Variants in LHFPL4 observed in about 807,000 individuals in gnomAD.
LHFPL4 encodes LHFPL tetraspan subfamily member 4 protein.
In LHFPL4, 6 loss-of-function variants were observed where a neutral mutation model predicts 20.0. The ratio of observed to expected loss-of-function variants is 0.30; its 90% CI spans 0.16 to 0.59. The LOEUF (loss-of-function observed/expected upper bound fraction) is 0.59. Ranked by LOEUF, LHFPL4 falls within the 20% of genes least tolerant of loss-of-function variation. LHFPL4 has a pLI of 0.88. For missense variants in LHFPL4, 215 were observed against 331.2 expected (o/e 0.65, Z 2.72); for synonymous variants, 129 against 143.8 (o/e 0.90, Z 0.74).
chr3:9,502,366 G>T, intron 3 of LHFPL4, 55 bp from the exon 4 acceptor site: 4 of 1,338,828 alleles, frequency 3.0e-6, no homozygotes, highest in South Asian at 1.2e-5. Context: ...GTCAGAGGCT[G>T]CCTGGGCATT....
chr3:9,544,702 C>T (rs2046500839), intron 2 of LHFPL4, among the ~76,000 whole-genome samples: 1 of 152,172 alleles, frequency 6.6e-6, no homozygotes, highest in South Asian at 2.1e-4. Context: ...TACAATCCAG[C>T]TCTGGCCCAC....
intron 2 of LHFPL4, among the ~76,000 whole-genome samples, chr3:9,523,597 C>T (rs905092244): frequency 2.6e-5 from 4 of 151,684 alleles, no homozygotes; most frequent in South Asian, 4.2e-4. Flanking sequence ...CCCAGCCTCC[C>T]GAGTAGCTGG....
chr3:9,549,845 A>T (rs1241819580), intron 2 of LHFPL4, among the ~76,000 whole-genome samples: 1 of 152,180 alleles, frequency 6.6e-6, no homozygotes, highest in African/African-American at 2.4e-5. Flanking sequence ...TTGATGAAAG[A>T]GTTGTCCCAG....
chr3:9,521,296 C>A (rs1559518057), intron 2 of LHFPL4, among the ~76,000 whole-genome samples: 1 of 150,244 alleles, frequency 6.7e-6, no homozygotes, highest in African/African-American at 2.5e-5. Context: ...ACGATCATAG[C>A]TCACTGCAGC....
At chr3:9,513,283 A>G (rs1179472573) in intron 2 of LHFPL4, among the ~76,000 whole-genome samples, 2 of 151,958 alleles carry the variant, frequency 1.3e-5, no homozygotes, top group Non-Finnish European at 2.9e-5. Context: ...TATATAAGAG[A>G]TAATAACCTT....
chr3:9,506,065 A>C lies in LHFPL4; in HGVS notation c.545T>G (p.Ile182Ser). 1 of 1,614,184 alleles carries C rather than the reference A, an allele frequency of 6.2e-7. No individual in the cohort carries two copies. The highest frequency in any genetic ancestry group is 8.5e-7 in the Non-Finnish European group (1 of 1,180,038). ...GAGGATGAGGGCGTTGAGGATGCCG[A>C]TGATGGCCAGGATGTATGCCCAGCG... ...SVRWAYILAIIGILNALILSF... is the reference protein window; with the variant it reads ...SVRWAYILAISGILNALILSF... Residue 182 changes from isoleucine to serine, a missense_variant, in exon 3 of 4, where the codon ATC (isoleucine) becomes AGC (serine). Physicochemically the swap from Ile to Ser is moderately radical, Grantham distance 142 (BLOSUM62 -2). This residue lies in a region of LHFPL4 where 164 missense variants were observed against 286.7 expected (regional missense o/e 0.57). Transcript: ENST00000287585. The surrounding 1 kb of genome is among the most constrained non-coding windows in gnomAD (Gnocchi z 4.5).
Position 9,552,411 on chromosome 3 carries a change from C to T in LHFPL4, c.269G>A (p.Ser90Asn). The T allele has an allele frequency of 6.2e-7, 1 of 1,613,908 alleles. No homozygotes were observed. Among genetic ancestry groups the T allele is most frequent in the Admixed American group, 1.7e-5 (1 of 60,028 alleles). ...GAAGAAGGCGGCCGCCTTGAAGGCG[C>T]TGGACGGGATGGTGCTGAAGTCGGT... ...SFTDFSTIPS[S>N]AFKAAAFFVL... The change falls in exon 2 of 4, where the codon AGC becomes AAC. Residue 90 changes from serine to asparagine, a missense_variant. Ser to Asn is a conservative substitution (Grantham distance 46, BLOSUM62 1). Around this residue, in one of 2 missense-constraint regions of LHFPL4, gnomAD observed 164 missense variants for 286.7 expected, o/e 0.57. Coordinates refer to ENST00000287585, the MANE Select transcript of LHFPL4 (RefSeq NM_198560.3).
chr3:9,506,168 C>G lies in LHFPL4; in HGVS notation c.442G>C (p.Asp148His). 6.2e-7 allele frequency: 1 copy of G among 1,614,168 alleles called. No homozygotes were observed. Among genetic ancestry groups the G allele is most frequent in the Non-Finnish European group, 8.5e-7 (1 of 1,180,040 alleles). ...CGGATGGTCTCGGCATCCCAGCCATCAGGAAAGATCATGCAGCCCAGGACG... is the reference window on the plus strand; with the variant it reads ...CGGATGGTCTCGGCATCCCAGCCATGAGGAAAGATCATGCAGCCCAGGACG... ...CLVLGCMIFP[D>H]GWDAETIRDM... The change falls in exon 3 of 4, where the codon GAT becomes CAT. Residue 148 changes from aspartate to histidine, a missense_variant. Around this residue, in one of 2 missense-constraint regions of LHFPL4, gnomAD observed 164 missense variants for 286.7 expected, o/e 0.57. Transcript: ENST00000287585. This position sits in a 1 kb window ranked among gnomAD's most constrained non-coding sequence, Gnocchi z 4.5.
intron 2 of LHFPL4, among the ~76,000 whole-genome samples, chr3:9,528,981 G>A (rs1320477147): frequency 1.4e-5 from 2 of 147,332 alleles, no homozygotes; most frequent in African/African-American, 5.1e-5. Flanking sequence ...GCAGTAGCAC[G>A]ATCTTGGCTC....
At chr3:9,524,079 G>T (rs1010268914) in intron 2 of LHFPL4, among the ~76,000 whole-genome samples, 3 of 148,390 alleles carry the variant, frequency 2.0e-5, no homozygotes, top group Admixed American at 6.9e-5. Context: ...TTTTCTATAG[G>T]TAAGATGTTT....
chr3:9,547,787 C>T (rs961021642), intron 2 of LHFPL4, among the ~76,000 whole-genome samples: 1 of 146,594 alleles, frequency 6.8e-6, no homozygotes, highest in Non-Finnish European at 1.5e-5. Context: ...GATTTTTGTT[C>T]TTTGTTTTGT....
intron 2 of LHFPL4, among the ~76,000 whole-genome samples, chr3:9,520,628 G>C (rs765511223): frequency 2.6e-5 from 4 of 152,088 alleles, no homozygotes; most frequent in Non-Finnish European, 4.4e-5. Context: ...ACAGGTGTGA[G>C]CCACCCTGCC....
At chr3:9,503,709 T>G (rs537739637) in intron 3 of LHFPL4, among the ~76,000 whole-genome samples, 2 of 152,340 alleles carry the variant, frequency 1.3e-5, no homozygotes, top group East Asian at 3.9e-4. Flanking sequence ...ATATGAAAGT[T>G]TATATGCAAT....
At chr3:9,533,510 C>T (rs1032452743) in intron 2 of LHFPL4, among the ~76,000 whole-genome samples, 1 of 152,162 alleles carries the variant, frequency 6.6e-6, no homozygotes, top group Non-Finnish European at 1.5e-5. Context: ...AGGCCGGGTG[C>T]GGTGGCTCAC....
Position 9,506,009 on chromosome 3 carries a change from G to A in LHFPL4, c.601C>T (p.Gln201Ter). 1 of 1,614,210 alleles carries A rather than the reference G, an allele frequency of 6.2e-7. No individual in the cohort carries two copies. The highest frequency in any genetic ancestry group is 8.5e-7 in the Non-Finnish European group (1 of 1,180,046). Residue 201 changes from glutamine to a stop codon, truncating the protein, a stop_gained, in exon 3 of 4, where the codon CAA becomes TAA. Coordinates refer to ENST00000287585, the MANE Select transcript of LHFPL4 (RefSeq NM_198560.3). LOFTEE classifies it high-confidence loss of function. The surrounding 1 kb of genome is among the most constrained non-coding windows in gnomAD (Gnocchi z 4.5). ...AGCTCCTCCTGCAGCAGGTCTGTTT[G>A]CCGGTTGCCCAGCACGAAGGCGAGG... ...SFLAFVLGNRQTDLLQEELKP... is the reference protein window; with the variant it reads ...SFLAFVLGNR
intron 2 of LHFPL4, among the ~76,000 whole-genome samples, chr3:9,536,518 C>A (rs1035628610): frequency 1.3e-5 from 2 of 152,148 alleles, no homozygotes; most frequent in African/African-American, 4.8e-5. Context: ...CCCCTTCTCT[C>A]CATCTCCACT....
chr3:9,545,685 C>T (rs2046507264), intron 2 of LHFPL4, among the ~76,000 whole-genome samples: 1 of 152,004 alleles, frequency 6.6e-6, no homozygotes, highest in South Asian at 2.1e-4. Flanking sequence ...CATTGCACTC[C>T]AGCCTGGGCA....
At chr3:9,544,618 C>T (rs2125667312) in intron 2 of LHFPL4, among the ~76,000 whole-genome samples, 1 of 152,242 alleles carries the variant, frequency 6.6e-6, no homozygotes, top group African/African-American at 2.4e-5. Flanking sequence ...GAGTGAGACT[C>T]TATCTCAAAA....
intron 2 of LHFPL4, among the ~76,000 whole-genome samples, chr3:9,533,130 A>G (rs2046421135): frequency 6.6e-6 from 1 of 152,230 alleles, no homozygotes; most frequent in Non-Finnish European, 1.5e-5. Flanking sequence ...CAGGTATTAC[A>G]GTCTCCAAAA....
Sources: gnomAD v4.1 joint callset for allele counts (sites outside exome capture counted in the v4.1 genomes callset) on GRCh38, gnomAD v4.1.1 for gene constraint, gnomAD v4.1.1 regional missense constraint, Gnocchi (gnomAD v3.1) non-coding constraint, MANE v1.5 for transcripts, NCBI Gene and HGNC (gene_info 2026-07-23, HGNC 2026-07-21) for gene names.